The following DPP6 variants were observed in gnomAD, a reference collection of about 807,000 sequenced individuals.
DPP6 encodes the protein A-type potassium channel modulatory protein DPP6.
In DPP6, 69 loss-of-function variants were observed where a neutral mutation model predicts 122.6. The ratio of observed to expected loss-of-function variants is 0.56; its 90% CI spans 0.46 to 0.69. The LOEUF (loss-of-function observed/expected upper bound fraction) is 0.69. Ranked by LOEUF, DPP6 falls within the 30% of genes least tolerant of loss-of-function variation. The probability of loss-of-function intolerance (pLI) is 0.00; values close to 1 mark genes in which losing one functional copy is unlikely to be tolerated. For missense variants in DPP6, 928 were observed against 1,116.9 expected, an observed-to-expected ratio of 0.83 and a Z score of 2.41; for synonymous variants, 418 against 433.1, an observed-to-expected ratio of 0.97 and a Z score of 0.43.
At chr7:153,911,326 C>T (rs924932830) in intron 1 of DPP6, among the ~76,000 whole-genome samples, 2 of 152,210 alleles carry the variant, frequency 1.3e-5, no homozygotes, top group Admixed American at 6.5e-5. Context: ...GATCCCTGCT[C>T]AGTCACTCGC....
chr7:153,760,926 T>C, the DPP6 span, among the ~76,000 whole-genome samples: 2 of 152,258 alleles, frequency 1.3e-5, no homozygotes, highest in African/African-American at 4.8e-5. Context: ...TGTTGCTTGC[T>C]CCTCTTTCAG....
At chr7:154,323,695 A>T (rs1200326695) in intron 1 of DPP6, among the ~76,000 whole-genome samples, 1 of 152,176 alleles carries the variant, frequency 6.6e-6, no homozygotes, top group Admixed American at 6.5e-5. Flanking sequence ...TACAGATTTC[A>T]GCCTTAGTTC....
At chr7:153,868,770 C>G in the DPP6 span, among the ~76,000 whole-genome samples, 2 of 152,108 alleles carry the variant, frequency 1.3e-5, no homozygotes, top group African/African-American at 4.8e-5. Context: ...ATCTTTCCTG[C>G]TTTCTCTTGT....
At chr7:154,575,343 A>ATG (rs1473078831) in intron 5 of DPP6, among the ~76,000 whole-genome samples, 1 of 27,314 alleles carries the variant, frequency 3.7e-5, no homozygotes, top group African/African-American at 1.7e-4. Flanking sequence ...TGGTGTGTGT[A>ATG]TGTGTGTGTG....
At chr7:154,589,030 G>C (rs1304576706) in intron 5 of DPP6, among the ~76,000 whole-genome samples, 2 of 152,256 alleles carry the variant, frequency 1.3e-5, no homozygotes, top group African/African-American at 2.4e-5. Flanking sequence ...TGATTTCATT[G>C]AGAGGTGTAG....
chr7:154,627,313 A>C (rs1424013980), intron 5 of DPP6, among the ~76,000 whole-genome samples: 1 of 145,420 alleles, frequency 6.9e-6, no homozygotes, highest in Non-Finnish European at 1.5e-5. Flanking sequence ...ATCCTGCCTT[A>C]GCCTCCCAAG....
chr7:154,734,073 C>T (rs1431991299), intron 8 of DPP6, among the ~76,000 whole-genome samples: 1 of 152,174 alleles, frequency 6.6e-6, no homozygotes, highest in Admixed American at 6.5e-5. Context: ...GACGGTTCGA[C>T]GCAGATGAAG....
chr7:154,588,148 G>A (rs1026552344), intron 5 of DPP6: 2 of 1,552,488 alleles, frequency 1.3e-6, no homozygotes, highest in South Asian at 1.2e-5. Context: ...GAGACACGCT[G>A]TCATCAGGCC....
the DPP6 span, among the ~76,000 whole-genome samples, chr7:153,836,907 A>G: frequency 6.6e-6 from 1 of 152,220 alleles, no homozygotes; most frequent in African/African-American, 2.4e-5. Flanking sequence ...AATAAAAGAT[A>G]CTTGGATTAC....
intron 6 of DPP6, among the ~76,000 whole-genome samples, chr7:154,659,886 T>G: frequency 6.6e-6 from 1 of 152,242 alleles, no homozygotes; most frequent in East Asian, 1.9e-4. Flanking sequence ...TATAAATTAA[T>G]AGCCATTGTT....
intron 1 of DPP6, among the ~76,000 whole-genome samples, chr7:153,911,227 A>T (rs374229902): frequency 6.6e-6 from 1 of 152,040 alleles, no homozygotes; most frequent in East Asian, 1.9e-4. Context: ...CTTCACCCAG[A>T]TGTTGGCTTG....
chr7:154,080,955 C>G (rs529495253), intron 1 of DPP6, among the ~76,000 whole-genome samples: 1 of 152,214 alleles, frequency 6.6e-6, no homozygotes, highest in East Asian at 1.9e-4. Flanking sequence ...ACCTTCTGCT[C>G]TCTGTATGTA....
At chr7:153,977,894 T>TA (rs1563068780) in intron 1 of DPP6, among the ~76,000 whole-genome samples, 1 of 152,184 alleles carries the variant, frequency 6.6e-6, no homozygotes, top group Non-Finnish European at 1.5e-5. Context: ...TCATTCTTTT[T>TA]ATGGCTGCAT....
intron 3 of DPP6, among the ~76,000 whole-genome samples, chr7:154,488,439 C>A (rs954759987): frequency 1.3e-5 from 2 of 149,664 alleles, no homozygotes; most frequent in African/African-American, 2.5e-5. Flanking sequence ...ATTGATAGAG[C>A]GAGACTCTGT....
chr7:154,877,708 G>A lies in DPP6; in HGVS notation c.2078+1608G>A, dbSNP rs1805013393. Among the ~76,000 whole-genome samples, 1 of 152,160 alleles carries A rather than the reference G, an allele frequency of 6.6e-6. No individual in the cohort carries two copies. The highest frequency in any genetic ancestry group is 1.5e-5 in the Non-Finnish European group (1 of 68,026). ...GGAAAGGAAAGTCTCCCCACAAGCA[G>A]ACAGCAAACCTCTCCTTCCATCTCC... On this transcript the variant is annotated intron_variant, in intron 20 of 25. Transcript: ENST00000377770. The surrounding 1 kb of genome is among the most constrained non-coding windows in gnomAD (Gnocchi z 5.2).
intron 1 of DPP6, among the ~76,000 whole-genome samples, chr7:154,339,837 G>A (rs1809767593): frequency 6.6e-6 from 1 of 152,152 alleles, no homozygotes; most frequent in South Asian, 2.1e-4. Flanking sequence ...CACTTTGGGA[G>A]CCTGAGATGG....
chr7:154,575,320 GTGTA>G (rs1381258340), intron 5 of DPP6, among the ~76,000 whole-genome samples: 5 of 133,502 alleles, frequency 3.7e-5, no homozygotes, highest in Admixed American at 7.7e-5. Flanking sequence ...TGTGTGGTGT[GTGTA>G]TGTGTGTGTG....
intron 1 of DPP6, among the ~76,000 whole-genome samples, chr7:154,098,881 A>G (rs917904984): frequency 6.6e-6 from 1 of 152,258 alleles, no homozygotes; most frequent in Non-Finnish European, 1.5e-5. Context: ...CTGTATAAAT[A>G]AAACAAGTAT....
At chr7:154,221,233 C>T (rs138992070) in intron 1 of DPP6, among the ~76,000 whole-genome samples, 9,899 of 152,090 alleles carry the variant, frequency 0.065, 634 homozygotes, top group African/African-American at 0.16. Flanking sequence ...TTCCACCCCC[C>T]GGGTTCAAGC....
Sources: gnomAD v4.1 joint callset for allele counts (sites outside exome capture counted in the v4.1 genomes callset) on GRCh38, gnomAD v4.1.1 for gene constraint, Gnocchi (gnomAD v3.1) non-coding constraint, MANE v1.5 for transcripts, NCBI Gene and HGNC (gene_info 2026-07-23, HGNC 2026-07-21) for gene names.